Variants in CACNA2D4 observed in about 807,000 individuals in gnomAD.
The protein encoded by CACNA2D4 is calcium voltage-gated channel auxiliary subunit alpha2delta 4, also known as voltage-dependent calcium channel subunit alpha-2/delta-4.
Under a neutral mutation model 163.8 loss-of-function variants are expected in CACNA2D4, and 157 were observed. That is an observed-to-expected ratio of 0.96 (90% CI 0.84 to 1.09). CACNA2D4 has a LOEUF of 1.09. Among genes scored for constraint, CACNA2D4 ranks in the 50% least tolerant of loss-of-function variants. The pLI, the probability that CACNA2D4 is intolerant of heterozygous loss-of-function variation, is 0.00. For synonymous variants in CACNA2D4, 598 were observed against 586.9 expected (o/e 1.02, Z -0.27); for missense variants, 1,410 against 1,479.9 (o/e 0.95, Z 0.78).
At position 1,818,801 on chromosome 12, in the gene CACNA2D4, A is replaced by T. The variant is rs188693276; in HGVS notation, c.2552-7078T>A. Among the ~76,000 whole-genome samples, 10 of 147,786 alleles carry T rather than the reference A, an allele frequency of 6.8e-5. No individual in the cohort carries two copies. The Admixed American group carries it at 6.8e-4, about 10-fold the overall frequency. On this transcript the variant is annotated intron_variant, in intron 26 of 37. Coordinates refer to ENST00000382722, the MANE Select transcript of CACNA2D4 (RefSeq NM_172364.5). ...AATAAATAAATTAAAAAAAAAAAAA[A>T]AGAGTCATCACCACTCCCTAATCTC...
rs1208024996 is a variant in CACNA2D4 at position 1,843,606 on chromosome 12, G to A, written c.2470+796C>T. On this transcript the variant is annotated intron_variant, in intron 25 of 37. Transcript: ENST00000382722. This position sits in a 1 kb window ranked among gnomAD's most constrained non-coding sequence, Gnocchi z 4.6. ...ACTCTGGGATCCCTGGACAAGCCCCGGAAGCTCCCTGGGCCACAGTCACTT... is the reference window on the plus strand; with the variant it reads ...ACTCTGGGATCCCTGGACAAGCCCCAGAAGCTCCCTGGGCCACAGTCACTT... Among the ~76,000 whole-genome samples the A allele has an allele frequency of 6.6e-6, 1 of 152,232 alleles. No individual in the cohort carries two copies. The highest frequency in any genetic ancestry group is 1.5e-5 in the Non-Finnish European group (1 of 68,048).
At chr12:1,872,656 C>T (rs1344757866) in intron 18 of CACNA2D4, among the ~76,000 whole-genome samples, 3 of 152,126 alleles carry the variant, frequency 2.0e-5, no homozygotes, top group Non-Finnish European at 2.9e-5. Flanking sequence ...GTGAAGAAAA[C>T]GCAGCCACTT....
At position 1,878,330 on chromosome 12, in the gene CACNA2D4, G is replaced by C; in HGVS notation, c.1704C>G (p.Pro568=). The part of the protein sequence containing the change: ...NTNNGYILSH[P]DLRPLYREGK... ...CTGTACCTACCAGGGGCCGGAGGTC[G>C]GGATGGGAGAGGATGTAGCCATTGT... Residue 568 remains proline, a synonymous_variant, in exon 16 of 38, where the codon CCC becomes CCG. Coordinates refer to ENST00000382722, the MANE Select transcript of CACNA2D4 (RefSeq NM_172364.5). This position sits in a 1 kb window ranked among gnomAD's most constrained non-coding sequence, Gnocchi z 4.6. 6.2e-7 allele frequency: 1 copy of C among 1,609,780 alleles called. No homozygotes were observed. The highest frequency in any genetic ancestry group is 1.1e-5 in the South Asian group (1 of 89,648).
In CACNA2D4 at chr12:1,869,312, G is replaced by A. The variant is rs1362886939; in HGVS notation, c.1878+5292C>T. On this transcript the variant is annotated intron_variant, in intron 18 of 37. Transcript: ENST00000382722. The surrounding 1 kb of genome is among the most constrained non-coding windows in gnomAD (Gnocchi z 4.7). ...ACACTGAAGTCCGCACAGAATACCA[G>A]GCTCTGCCACTCTTTGCTGTAACCT... 6.6e-6 allele frequency among the ~76,000 whole-genome samples: 1 copy of A among 152,220 alleles called. No homozygotes were observed. The highest frequency in any genetic ancestry group is 2.4e-5 in the African/African-American group (1 of 41,442).
At chr12:1,889,237 T>C (rs1425799437) in intron 6 of CACNA2D4, among the ~76,000 whole-genome samples, 2 of 152,226 alleles carry the variant, frequency 1.3e-5, no homozygotes, top group African/African-American at 4.8e-5. Flanking sequence ...AGGACTTACT[T>C]TAAGAAGAAG....
At chr12:1,910,032 A>T in intron 3 of CACNA2D4, 67 bp from the exon 4 acceptor site, 2 of 1,355,846 alleles carry the variant, frequency 1.5e-6, no homozygotes, top group Non-Finnish European at 2.1e-6. Context: ...TCAGCAAGTG[A>T]AACAGTTGCC....
At chr12:1,800,138 C>G in intron 32 of CACNA2D4, 86 bp from the exon 33 acceptor site, 1 of 1,327,210 alleles carries the variant, frequency 7.5e-7, no homozygotes, top group Non-Finnish European at 1.1e-6. Context: ...TGACAGCCCC[C>G]GGCCCATCCC....
intron 26 of CACNA2D4, among the ~76,000 whole-genome samples, chr12:1,818,899 A>G (rs1863984104): frequency 6.7e-6 from 1 of 150,190 alleles, no homozygotes; most frequent in Non-Finnish European, 1.5e-5. Context: ...ACCTTTGTTC[A>G]CATGTTTATC....
In CACNA2D4 at chr12:1,837,509, C is replaced by T. The variant is rs549511181; in HGVS notation, c.2551+3230G>A. ...GCATGCTGCAAGCCCCACTGAAGAG[C>T]GAGCTCAACGCCCGGCCCGAGAACC... On this transcript the variant is annotated intron_variant, in intron 26 of 37. Coordinates refer to ENST00000382722, the MANE Select transcript of CACNA2D4 (RefSeq NM_172364.5). 5.3e-5 allele frequency among the ~76,000 whole-genome samples: 8 copies of T among 152,162 alleles called. No homozygotes were observed. The East Asian group carries it at 9.7e-4, about 18-fold the overall frequency.
rs557678468 is a variant in CACNA2D4, at chr12:1,852,569, A to G, written c.2246+1382T>C. Reference sequence around the variant, plus strand: ...TAATGCCTTTTCTATATCTTTGGAGATGGTTATGTATTTTTTTCTCCTTAA... The same window carrying G: ...TAATGCCTTTTCTATATCTTTGGAGGTGGTTATGTATTTTTTTCTCCTTAA... On this transcript the variant is annotated intron_variant, in intron 23 of 37. Transcript: ENST00000382722. 3.3e-5 allele frequency among the ~76,000 whole-genome samples: 5 copies of G among 152,200 alleles called. No individual in the cohort carries two copies. In the East Asian group the frequency reaches 7.7e-4, roughly 23 times the overall value.
chr12:1,810,455 A>T, intron 28 of CACNA2D4, 88 bp downstream of exon 28: 1 of 1,520,492 alleles, frequency 6.6e-7, no homozygotes, highest in Non-Finnish European at 9.0e-7. Context: ...GAAGGAGGGC[A>T]TTTGGGAGAG....
In CACNA2D4 at chr12:1,874,716, A is replaced by G; in HGVS notation, c.1807-41T>C. ...CAATGGCATTAGTTCCTTGGCTCAC[A>G]GGGGATGGTGAAAGTATGGCATTCT... On this transcript the variant is annotated intron_variant, in intron 17 of 37. Coordinates refer to ENST00000382722, the MANE Select transcript of CACNA2D4 (RefSeq NM_172364.5). The surrounding 1 kb of genome is among the most constrained non-coding windows in gnomAD (Gnocchi z 4.4). The G allele has an allele frequency of 7.1e-7, 1 of 1,414,240 alleles. No homozygotes were observed. The highest frequency in any genetic ancestry group is 2.3e-5 in the East Asian group (1 of 43,998). 87.6% of individuals were successfully genotyped at this position (1,414,240 alleles called of 1,614,324 possible).
At position 1,799,173 on chromosome 12, in the gene CACNA2D4, C is replaced by T. The variant is rs774889207; in HGVS notation, c.2995+502G>A. Among the ~76,000 whole-genome samples, 5 of 152,320 alleles carry T rather than the reference C, an allele frequency of 3.3e-5. No individual in the cohort carries two copies. The South Asian group carries it at 8.3e-4, about 25-fold the overall frequency. ...TGCTTTGAAAGGCCAGGCTCATTGC[C>T]GCCCTGCACGTGTGGCCACAGCCAC... is the stretch of plus-strand genomic sequence containing the variant. On this transcript the variant is annotated intron_variant, in intron 34 of 37. Coordinates refer to ENST00000382722, the MANE Select transcript of CACNA2D4 (RefSeq NM_172364.5). This position sits in a 1 kb window ranked among gnomAD's most constrained non-coding sequence, Gnocchi z 4.7.
rs764690343 is a variant in CACNA2D4 at position 1,894,049 on chromosome 12, A to C, written c.782-6980T>G. ...AGAGAGGACCCAAATGAACAAAATC[A>C]GAAATGAAAAAAGCATACATTACAA... On this transcript the variant is annotated intron_variant, in intron 6 of 37. Transcript: ENST00000382722. 2.6e-5 allele frequency among the ~76,000 whole-genome samples: 4 copies of C among 152,316 alleles called. No individual in the cohort carries two copies. In the East Asian group the frequency reaches 5.8e-4, roughly 22 times the overall value.
At chr12:1,860,502 C>CAA (rs1379449328) in intron 18 of CACNA2D4, among the ~76,000 whole-genome samples, 14 of 152,202 alleles carry the variant, frequency 9.2e-5, no homozygotes, top group African/African-American at 3.1e-4. Context: ...AATGTGTGGC[C>CAA]AAGGAACTGA....
intron 26 of CACNA2D4, among the ~76,000 whole-genome samples, chr12:1,818,295 C>A (rs1244209782): frequency 6.6e-6 from 1 of 151,812 alleles, no homozygotes; most frequent in East Asian, 1.9e-4. Context: ...TGAGAACGGG[C>A]CAGGATGACA....
chr12:1,851,243 G>C (rs1480146130), intron 23 of CACNA2D4, among the ~76,000 whole-genome samples: 1 of 152,140 alleles, frequency 6.6e-6, no homozygotes, highest in Non-Finnish European at 1.5e-5. Context: ...TCTGAATTTT[G>C]AGTCATTGTT....
At chr12:1,841,293 G>A (rs1483110557) in intron 25 of CACNA2D4, among the ~76,000 whole-genome samples, 1 of 152,294 alleles carries the variant, frequency 6.6e-6, no homozygotes, top group South Asian at 2.1e-4. Flanking sequence ...GCCACCATGC[G>A]GCCCTGGGCA....
intron 32 of CACNA2D4, 83 bp downstream of exon 32, chr12:1,800,303 C>G: frequency 1.4e-6 from 2 of 1,468,068 alleles, no homozygotes; most frequent in Non-Finnish European, 1.9e-6. Flanking sequence ...TCCTGGAGAC[C>G]TTGCAGCCTC....
Sources: gnomAD v4.1 joint callset for allele counts (sites outside exome capture counted in the v4.1 genomes callset) on GRCh38, gnomAD v4.1.1 for gene constraint, Gnocchi (gnomAD v3.1) non-coding constraint, MANE v1.5 for transcripts, NCBI Gene and HGNC (gene_info 2026-07-23, HGNC 2026-07-21) for gene names.